The following ZNF766 variants were observed in gnomAD, a reference collection of about 807,000 sequenced individuals.
ZNF766 encodes zinc finger protein 766.
ZNF766 carries 13 observed loss-of-function variants against 13.2 expected under a neutral mutation model. That is an observed-to-expected ratio of 0.98 (90% CI 0.64 to 1.56). The LOEUF is 1.56. Ranked by LOEUF, ZNF766 falls within the 40% of genes most tolerant of loss-of-function variation. The pLI is 0.00. For synonymous variants in ZNF766, 178 were observed against 187.6 expected, an observed-to-expected ratio of 0.95 and a Z score of 0.42; for missense variants, 521 against 552.2, an observed-to-expected ratio of 0.94 and a Z score of 0.57.
chr19:52,292,880 T>C lies in ZNF766; in HGVS notation c.*1682T>C, dbSNP rs1982212401. The stretch of plus-strand genomic sequence containing the variant: ...GTCCACAACATGCAGGTTTGTTACA[T>C]AGGTATACATGTGCCATATTCGTTT... On this transcript the variant is annotated 3_prime_UTR_variant, in exon 4 of 4. Coordinates refer to ENST00000439461, the MANE Select transcript of ZNF766 (RefSeq NM_001010851.3). The C allele has an allele frequency of 6.6e-6, 1 of 152,218 alleles. No homozygotes were observed. Among genetic ancestry groups the C allele is most frequent in the African/African-American group, 2.4e-5 (1 of 41,458 alleles). The allele number at this position is 152,218 out of a possible 1,614,324, so 9.4% of individuals were successfully genotyped here.
Position 52,283,361 on chromosome 19 carries a change from G to C in ZNF766, c.222G>C (p.Met74Ile). ...AGCCCTGGACTGTGGAGAATGAAATGAAAGTAGCAAAAAATCCAGATAGGT... is the reference window on the plus strand; with the variant it reads ...AGCCCTGGACTGTGGAGAATGAAATCAAAGTAGCAAAAAATCCAGATAGGT... Reference protein sequence around the residue: ...RTEPWTVENEMKVAKNPDRWE... With the variant: ...RTEPWTVENEIKVAKNPDRWE... The change falls in exon 3 of 4, where the codon ATG becomes ATC. Residue 74 changes from methionine (M) to isoleucine (I), a missense_variant. Met to Ile is a conservative substitution (Grantham distance 10, BLOSUM62 1). Coordinates refer to ENST00000439461, the MANE Select transcript of ZNF766 (RefSeq NM_001010851.3). The C allele has an allele frequency of 6.2e-7, 1 of 1,611,960 alleles. No homozygotes were observed. Among genetic ancestry groups the C allele is most frequent in the Non-Finnish European group, 8.5e-7 (1 of 1,178,888 alleles).
At chr19:52,281,870 C>G (rs775679136) in intron 1 of ZNF766, 1 of 536,644 alleles carries the variant, frequency 1.9e-6, no homozygotes, top group Non-Finnish European at 3.6e-6. Flanking sequence ...TGTATGCTAG[C>G]TCAGGTAGAT....
chr19:52,284,857 G>A (rs892857621), intron 3 of ZNF766: 4 of 152,194 alleles, frequency 2.6e-5, no homozygotes, highest in African/African-American at 9.6e-5. Flanking sequence ...GATTCACAAG[G>A]CGAGGCACAT....
chr19:52,290,410 G>A lies in ZNF766; in HGVS notation c.619G>A (p.Val207Ile). 1 of 1,613,898 alleles carries A rather than the reference G, an allele frequency of 6.2e-7. No individual in the cohort carries two copies. The change falls in exon 4 of 4, where the codon GTA becomes ATA. Residue 207 changes from valine to isoleucine, a missense_variant. Transcript: ENST00000439461. ...RVSSSLPNHQ[V>I]IHTADKPNRC... ...GTCTTCAAGCCTTCCTAATCATCAA[G>A]TAATCCACACTGCAGATAAACCTAA... is the stretch of plus-strand genomic sequence containing the variant.
At chr19:52,274,270 T>G (rs1981098056) in intron 1 of ZNF766, among the ~76,000 whole-genome samples, 1 of 152,166 alleles carries the variant, frequency 6.6e-6, no homozygotes, top group Non-Finnish European at 1.5e-5. Flanking sequence ...TAAAATTGCA[T>G]AATACAGTCA....
chr19:52,292,019 T>G lies in ZNF766; in HGVS notation c.*821T>G. 1 of 615,028 alleles carries G rather than the reference T, an allele frequency of 1.6e-6. No individual in the cohort carries two copies. Among genetic ancestry groups the G allele is most frequent in the East Asian group, 2.8e-5 (1 of 35,936 alleles). 38.1% of individuals were successfully genotyped at this position (615,028 alleles called of 1,614,324 possible). A position where few individuals can be genotyped will look rare whatever the true frequency, so the allele number is the denominator to read the frequency against. ...CCCAGGAGTTTGAGAGTTTGAGCAGTGAGCTCTGATCTTGCCATTTGTACT... is the reference window on the plus strand; with the variant it reads ...CCCAGGAGTTTGAGAGTTTGAGCAGGGAGCTCTGATCTTGCCATTTGTACT... On this transcript the variant is annotated 3_prime_UTR_variant, in exon 4 of 4. Coordinates refer to ENST00000439461, the MANE Select transcript of ZNF766 (RefSeq NM_001010851.3).
chr19:52,288,926 A>T (rs1035505001), intron 3 of ZNF766, among the ~76,000 whole-genome samples: 6 of 151,596 alleles, frequency 4.0e-5, no homozygotes, highest in African/African-American at 1.5e-4. Context: ...GCTCACTGCA[A>T]CCTCTGCCTC....
chr19:52,287,340 A>G (rs10409142), intron 3 of ZNF766, among the ~76,000 whole-genome samples: 12,938 of 150,166 alleles, frequency 0.086, 1,209 homozygotes, highest in African/African-American at 0.24. Flanking sequence ...ACGGGGTTTC[A>G]CTGTGTTGGT....
chr19:52,287,745 G>A (rs1981903340), intron 3 of ZNF766, among the ~76,000 whole-genome samples: 1 of 151,826 alleles, frequency 6.6e-6, no homozygotes, highest in Non-Finnish European at 1.5e-5. Flanking sequence ...TTTTTTCTTG[G>A]TTAACATATT....
Position 52,269,610 on chromosome 19 carries a change from A to C in ZNF766, c.-4A>C, listed in dbSNP as rs1276252165. 2.5e-6 allele frequency: 4 copies of C among 1,612,452 alleles called. No homozygotes were observed. The highest frequency in any genetic ancestry group is 1.7e-5 in the Admixed American group (1 of 59,934). Reference sequence around the variant, plus strand: ...GCAGACCCGGAAGTGGATGGCGTGGAGATATGGCGCAACTGCGGCGCGTGA... The same window carrying C: ...GCAGACCCGGAAGTGGATGGCGTGGCGATATGGCGCAACTGCGGCGCGTGA... On this transcript the variant is annotated 5_prime_UTR_variant, in exon 1 of 4. Transcript: ENST00000439461.
At chr19:52,289,869 CGG>C (rs1982028232) in intron 3 of ZNF766, among the ~76,000 whole-genome samples, 195 bp from the exon 4 acceptor site, 1 of 152,104 alleles carries the variant, frequency 6.6e-6, no homozygotes, top group Admixed American at 6.5e-5. Flanking sequence ...GGCGTGGTGG[CGG>C]ACGCCTGTAG....
At chr19:52,278,907 T>C (rs1981346552) in intron 1 of ZNF766, among the ~76,000 whole-genome samples, 1 of 152,222 alleles carries the variant, frequency 6.6e-6, no homozygotes, top group South Asian at 2.1e-4. Flanking sequence ...TTGTTGTTTT[T>C]GTTATGATTG....
At chr19:52,273,558 T>A (rs1981066376) in intron 1 of ZNF766, among the ~76,000 whole-genome samples, 1 of 152,148 alleles carries the variant, frequency 6.6e-6, no homozygotes, top group African/African-American at 2.4e-5. Context: ...ACCTGGGCTG[T>A]CCCTCTGCCT....
At position 52,271,980 on chromosome 19, in the gene ZNF766, C is replaced by CAAA. The variant is rs371229113; in HGVS notation, c.18+2368_18+2370dup. On this transcript the variant is annotated intron_variant, in intron 1 of 3. Transcript: ENST00000439461. ...CTGGGTGACAAGAGTGAGACTGTCT[C>CAAA]AAAAAAAAAAAAAAAAAAAAAGCAC... Among the ~76,000 whole-genome samples, 245 of 88,788 alleles carry CAAA rather than the reference C, an allele frequency of 2.8e-3. 7 individuals are homozygous for CAAA. Among genetic ancestry groups the CAAA allele is most frequent in the African/African-American group, 3.0e-3 (69 of 23,258 alleles). 58.2% of individuals were successfully genotyped at this position (88,788 alleles called of 152,430 possible). A position where few individuals can be genotyped will look rare whatever the true frequency, so the allele number is the denominator to read the frequency against.
In ZNF766 at chr19:52,291,032, A is replaced by T. The variant is rs1439442986; in HGVS notation, c.1241A>T (p.Asn414Ile). 3 of 1,614,228 alleles carry T rather than the reference A, an allele frequency of 1.9e-6. No individual in the cohort carries two copies. The highest frequency in any genetic ancestry group is 2.2e-5 in the East Asian group (1 of 44,870). The part of the protein sequence containing the change: ...IHTGEKPYKC[N>I]ECGKVFTQNS... ...ACTGGAGAGAAACCTTACAAATGTAATGAGTGTGGCAAAGTCTTCACTCAG... is the reference window on the plus strand; with the variant it reads ...ACTGGAGAGAAACCTTACAAATGTATTGAGTGTGGCAAAGTCTTCACTCAG... Residue 414 changes from asparagine (N) to isoleucine (I), a missense_variant, in exon 4 of 4, where the codon AAT becomes ATT. Physicochemically the swap from Asn to Ile is moderately radical, Grantham distance 149 (BLOSUM62 -3). Coordinates refer to ENST00000439461, the MANE Select transcript of ZNF766 (RefSeq NM_001010851.3).
At position 52,291,849 on chromosome 19, in the gene ZNF766, A is replaced by AG; in HGVS notation, c.*654dup. On this transcript the variant is annotated 3_prime_UTR_variant, in exon 4 of 4. Transcript: ENST00000439461. ...CAGCACAATAGAAAGCCAAGACAGG[A>AG]GGGTCACTTGATGCCTGGAGATCAA... 3.1e-6 allele frequency: 1 copy of AG among 323,994 alleles called. No individual in the cohort carries two copies. The highest frequency in any genetic ancestry group is 5.6e-6 in the Non-Finnish European group (1 of 177,996). The allele number at this position is 323,994 out of a possible 1,614,324, so 20.1% of individuals were successfully genotyped here.
chr19:52,277,972 CTTT>C (rs375658066), intron 1 of ZNF766, among the ~76,000 whole-genome samples: 7 of 135,658 alleles, frequency 5.2e-5, no homozygotes, highest in Non-Finnish European at 4.7e-5. Context: ...TCTTTTCTGC[CTTT>C]TTTTTTTTTT....
Position 52,290,513 on chromosome 19 carries a change from A to G in ZNF766, c.722A>G (p.Lys241Arg), listed in dbSNP as rs771507709. 8.1e-6 allele frequency: 13 copies of G among 1,614,172 alleles called. No homozygotes were observed. The highest frequency in any genetic ancestry group is 1.1e-5 in the Non-Finnish European group (13 of 1,180,002). ...AEHWRIRTGE[K>R]PYKCKECGKL... ...CATTGGAGAATTCGTACAGGAGAGA[A>G]ACCTTACAAATGTAAAGAGTGTGGC... The change falls in exon 4 of 4, where the codon AAA becomes AGA. Residue 241 changes from lysine (K) to arginine (R), a missense_variant. Physicochemically the swap from Lys to Arg is conservative, Grantham distance 26. Coordinates refer to ENST00000439461, the MANE Select transcript of ZNF766 (RefSeq NM_001010851.3).
At chr19:52,287,976 C>G (rs1314058117) in intron 3 of ZNF766, 1 of 421,630 alleles carries the variant, frequency 2.4e-6, no homozygotes, top group Admixed American at 2.9e-5. Flanking sequence ...TCTTTGTTTT[C>G]TAACCTTTAT....
Sources: gnomAD v4.1 joint callset for allele counts (sites outside exome capture counted in the v4.1 genomes callset) on GRCh38, gnomAD v4.1.1 for gene constraint, MANE v1.5 for transcripts, NCBI Gene and HGNC (gene_info 2026-07-23, HGNC 2026-07-21) for gene names.